ARAP2: variants seen among roughly 807,000 people sequenced by gnomAD.
ARAP2 encodes the protein arf-GAP with Rho-GAP domain, ANK repeat and PH domain-containing protein 2.
In ARAP2, 148 loss-of-function variants were observed where a neutral mutation model predicts 194.5. The ratio of observed to expected loss-of-function variants is 0.76; its 90% confidence interval spans 0.67 to 0.87. The LOEUF (loss-of-function observed/expected upper bound fraction) is 0.87. Among genes scored for constraint, ARAP2 ranks in the 40% least tolerant of loss-of-function variants. ARAP2 has a pLI of 0.00. For missense variants in ARAP2, 2,128 were observed against 1,989.7 expected (o/e 1.07, Z -1.32); for synonymous variants, 695 against 683.5 (o/e 1.02, Z -0.26).
At chr4:36,153,884 C>T (rs890015062) in intron 15 of ARAP2, among the ~76,000 whole-genome samples, 34 of 152,310 alleles carry the variant, frequency 2.2e-4, no homozygotes, top group Admixed American at 1.0e-3. Context: ...CTCAGACCAA[C>T]CCAATTATGT....
At chr4:36,191,773 G>GA (rs1231039377) in intron 7 of ARAP2, among the ~76,000 whole-genome samples, 1 of 152,066 alleles carries the variant, frequency 6.6e-6, no homozygotes, top group Non-Finnish European at 1.5e-5. Flanking sequence ...TTGAGACAAT[G>GA]AAACGATCAC....
chr4:36,167,759 T>C (rs1210828209), intron 9 of ARAP2, among the ~76,000 whole-genome samples: 1 of 152,160 alleles, frequency 6.6e-6, no homozygotes, highest in East Asian at 1.9e-4. Flanking sequence ...AGTTACTATG[T>C]TCAGCTTGTC....
In ARAP2 at chr4:36,014,358, G is replaced by GA. The variant is rs1478262805; in HGVS notation, n.1056+1027dup. 2.8e-5 allele frequency among the ~76,000 whole-genome samples: 4 copies of GA among 140,428 alleles called. 1 individual carries two copies. The highest frequency in any genetic ancestry group is 1.9e-4 in the East Asian group (1 of 5,138). The allele number at this position is 140,428 out of a possible 152,430, so 92.1% of individuals were successfully genotyped here. On this transcript the variant is annotated intron_variant and non_coding_transcript_variant, in intron 8 of 12. Transcript: ENST00000503225. ...AGAAAGAAAGAAAGAAAGAAAGAAA[G>GA]AAAGAAAGAAAGAAAGAAAGAAAGA...
chr4:36,109,422 T>C (rs565342691), intron 26 of ARAP2, among the ~76,000 whole-genome samples: 1 of 152,048 alleles, frequency 6.6e-6, no homozygotes, highest in South Asian at 2.1e-4. Flanking sequence ...TGACAAATTA[T>C]TGCATTATTT....
intron 5 of ARAP2, among the ~76,000 whole-genome samples, chr4:36,039,168 C>T (rs913806061): frequency 6.6e-6 from 1 of 152,136 alleles, no homozygotes; most frequent in Admixed American, 6.5e-5. Context: ...AACAGTGGCA[C>T]CTGCAGAGCT....
chr4:36,156,403 GAA>G (rs1349215312), intron 15 of ARAP2, among the ~76,000 whole-genome samples: 1 of 12,494 alleles, frequency 8.0e-5, no homozygotes, highest in African/African-American at 9.1e-4. Flanking sequence ...AAGAAAGAAA[GAA>G]AGAAAGAAAG....
At chr4:36,228,188 T>A (rs1168166123) in intron 2 of ARAP2, among the ~76,000 whole-genome samples, 1 of 152,108 alleles carries the variant, frequency 6.6e-6, no homozygotes, top group Non-Finnish European at 1.5e-5. Context: ...GCAGCAGAGA[T>A]ACAAACATTA....
intron 16 of ARAP2, among the ~76,000 whole-genome samples, chr4:36,150,156 T>G (rs1302651455): frequency 1.3e-5 from 2 of 152,214 alleles, no homozygotes; most frequent in Non-Finnish European, 2.9e-5. Flanking sequence ...CTTTAAGAAA[T>G]TTAGCATTTC....
At chr4:36,102,317 T>C (rs993499092) in intron 27 of ARAP2, among the ~76,000 whole-genome samples, 14 of 151,908 alleles carry the variant, frequency 9.2e-5, no homozygotes, top group Admixed American at 2.6e-4. Context: ...CAAACCAAAA[T>C]ACCAAGAACT....
chr4:36,213,446 C>A, intron 3 of ARAP2, 127 bp from the exon 4 acceptor site: 1 of 629,698 alleles, frequency 1.6e-6, no homozygotes, highest in South Asian at 2.0e-5. Context: ...CTGTAAGAGT[C>A]CAAATTATGC....
chr4:36,057,922 C>T (rs1192467867), intron 2 of ARAP2: 2 of 128,268 alleles, frequency 1.6e-5, no homozygotes, highest in Non-Finnish European at 3.5e-5. Flanking sequence ...TTTTTAAATG[C>T]CAGAAATTGA....
At chr4:36,195,783 C>T (rs1742941858) in intron 6 of ARAP2, among the ~76,000 whole-genome samples, 1 of 152,194 alleles carries the variant, frequency 6.6e-6, no homozygotes, top group African/African-American at 2.4e-5. Context: ...TCTCAATACC[C>T]TCTACTTTTC....
At chr4:36,029,108 T>A (rs1055921663) in intron 5 of ARAP2, among the ~76,000 whole-genome samples, 1 of 152,000 alleles carries the variant, frequency 6.6e-6, no homozygotes, top group Non-Finnish European at 1.5e-5. Flanking sequence ...AACACAAACA[T>A]CACAATAAAA....
intron 28 of ARAP2, among the ~76,000 whole-genome samples, chr4:36,086,172 G>A (rs534204015): frequency 5.9e-5 from 9 of 152,140 alleles, no homozygotes; most frequent in South Asian, 4.1e-4. Context: ...AGTCCCAACC[G>A]AGGCAGCAGG....
chr4:36,083,478 T>C, intron 28 of ARAP2, 28 bp from the exon 29 acceptor site: 1 of 1,433,306 alleles, frequency 7.0e-7, no homozygotes, highest in African/African-American at 1.4e-5. Flanking sequence ...AATTTGTAAT[T>C]AAATGGATTT....
At chr4:36,156,339 A>AGG (rs1560548217) in intron 15 of ARAP2, among the ~76,000 whole-genome samples, 50 of 26,574 alleles carry the variant, frequency 1.9e-3, no homozygotes, top group African/African-American at 6.2e-3. Context: ...GAGGGAGGGA[A>AGG]AGAGAGAGAG....
chr4:36,144,720 G>A (rs1578057587), intron 19 of ARAP2, among the ~76,000 whole-genome samples: 2 of 151,862 alleles, frequency 1.3e-5, no homozygotes, highest in Non-Finnish European at 2.9e-5. Context: ...ATAATCAAAT[G>A]AAGGCTTATT....
At chr4:36,160,162 C>T (rs1578120362) in intron 13 of ARAP2, 7 of 1,033,830 alleles carry the variant, frequency 6.8e-6, no homozygotes, top group Non-Finnish European at 6.9e-6. Context: ...TTTCTTCCCA[C>T]ATTATATCAG....
At chr4:36,223,807 G>A (rs1395193200) in intron 2 of ARAP2, among the ~76,000 whole-genome samples, 3 of 151,898 alleles carry the variant, frequency 2.0e-5, no homozygotes, top group East Asian at 1.9e-4. Flanking sequence ...GTAGAGAGCC[G>A]TCACCAAAAC....
Sources: gnomAD v4.1 joint callset for allele counts (sites outside exome capture counted in the v4.1 genomes callset) on GRCh38, gnomAD v4.1.1 for gene constraint, MANE v1.5 for transcripts, NCBI Gene and HGNC (gene_info 2026-07-23, HGNC 2026-07-21) for gene names.